The following KCNMA1 variants were observed in gnomAD, a reference collection of about 807,000 sequenced individuals.
KCNMA1 encodes Calcium-activated potassium channel subunit alpha-1.
Under a neutral mutation model 140.0 loss-of-function variants are expected in KCNMA1, and 29 were observed. The observed-to-expected ratio is 0.21, with a 90% CI of 0.15 to 0.28. The LOEUF (loss-of-function observed/expected upper bound fraction) is 0.28, where lower values mean the gene tolerates loss of function less well. KCNMA1 is among the 10% of genes least tolerant of loss of function. The probability of loss-of-function intolerance (pLI) is 1.00; values close to 1 mark genes in which losing one functional copy is unlikely to be tolerated. For synonymous variants in KCNMA1, 612 were observed against 611.9 expected, an observed-to-expected ratio of 1.00 and a Z score of 0.00; for missense variants, 880 against 1,602.2, an observed-to-expected ratio of 0.55 and a Z score of 7.70.
intron 14 of KCNMA1, among the ~76,000 whole-genome samples, chr10:77,053,942 C>T (rs1050943505): frequency 2.0e-5 from 3 of 152,108 alleles, no homozygotes; most frequent in African/African-American, 2.4e-5. Context: ...CAGCAAATCG[C>T]GTCCTAATCA....
At chr10:77,156,781 A>G (rs1458092250) in intron 5 of KCNMA1, among the ~76,000 whole-genome samples, 1 of 152,148 alleles carries the variant, frequency 6.6e-6, no homozygotes, top group Non-Finnish European at 1.5e-5. Context: ...ATTTCTGGCG[A>G]GTGACTGACC....
chr10:77,542,234 A>G (rs2060346392), intron 1 of KCNMA1, among the ~76,000 whole-genome samples: 1 of 152,226 alleles, frequency 6.6e-6, no homozygotes, highest in African/African-American at 2.4e-5. Flanking sequence ...TACTGTTTGC[A>G]AATCACCCAG....
chr10:77,272,967 T>C (rs1421361009), intron 2 of KCNMA1, among the ~76,000 whole-genome samples: 1 of 152,196 alleles, frequency 6.6e-6, no homozygotes, highest in African/African-American at 2.4e-5. Context: ...TACCAAAACA[T>C]GGACCTATTA....
chr10:77,341,922 CT>C lies in KCNMA1; in HGVS notation c.540+61939del, dbSNP rs1249429195. Among the ~76,000 whole-genome samples the C allele has an allele frequency of 2.0e-5, 3 of 152,172 alleles. No individual in the cohort carries two copies. The East Asian group carries it at 5.8e-4, about 29-fold the overall frequency. On this transcript the variant is annotated intron_variant, in intron 2 of 27. Coordinates refer to ENST00000286628, the MANE Select transcript of KCNMA1 (RefSeq NM_001161352.2). ...TACTGTCCCAAATGGAAAGCAAGAC[CT>C]AAGTGCATAATCCTAACCCACCATG...
chr10:77,582,688 A>G (rs2076197056), intron 1 of KCNMA1, among the ~76,000 whole-genome samples: 1 of 152,234 alleles, frequency 6.6e-6, no homozygotes, highest in African/African-American at 2.4e-5. Flanking sequence ...TTCTTGACCA[A>G]CTGCAAGGAA....
At chr10:77,529,368 G>A (rs1402692946) in intron 1 of KCNMA1, among the ~76,000 whole-genome samples, 1 of 151,756 alleles carries the variant, frequency 6.6e-6, no homozygotes, top group Non-Finnish European at 1.5e-5. Flanking sequence ...GCTCCTCTCA[G>A]CCCTTCAAAC....
intron 19 of KCNMA1, among the ~76,000 whole-genome samples, chr10:76,992,365 C>G (rs961512797): frequency 2.0e-5 from 3 of 152,202 alleles, no homozygotes; most frequent in African/African-American, 4.8e-5. Flanking sequence ...AAGGCCTTTG[C>G]AATTCCCTCT....
At chr10:76,950,098 C>T (rs535416268) in intron 21 of KCNMA1, among the ~76,000 whole-genome samples, 14 of 152,292 alleles carry the variant, frequency 9.2e-5, no homozygotes, top group Admixed American at 2.0e-4. Flanking sequence ...CATGCTCATA[C>T]GTTTAGGTAT....
chr10:77,290,358 C>T (rs2072750143), intron 2 of KCNMA1, among the ~76,000 whole-genome samples: 1 of 152,140 alleles, frequency 6.6e-6, no homozygotes, highest in Non-Finnish European at 1.5e-5. Context: ...ATAAAAAGGG[C>T]ATGGAGGATG....
chr10:76,981,741 T>TA (rs2079529851), intron 19 of KCNMA1, among the ~76,000 whole-genome samples: 3 of 152,152 alleles, frequency 2.0e-5, no homozygotes, highest in South Asian at 2.1e-4. Flanking sequence ...CTCCTTTCTT[T>TA]AAAAAATCCC....
chr10:77,529,048 A>G (rs11002194), intron 1 of KCNMA1, among the ~76,000 whole-genome samples: 25,866 of 152,086 alleles, frequency 0.17, 2,972 homozygotes, highest in East Asian at 0.54. Flanking sequence ...TATACTTAAA[A>G]TCTCACAATG....
chr10:77,075,083 G>A (rs780463937), intron 13 of KCNMA1, among the ~76,000 whole-genome samples: 5 of 152,294 alleles, frequency 3.3e-5, no homozygotes, highest in Non-Finnish European at 5.9e-5. Flanking sequence ...AGCCAAAAGT[G>A]GGTACTCCAG....
chr10:77,324,971 C>CTGTG (rs144907110), intron 2 of KCNMA1, among the ~76,000 whole-genome samples: 202 of 90,432 alleles, frequency 2.2e-3, no homozygotes, highest in Non-Finnish European at 3.1e-3. Flanking sequence ...CTCTCTCTCT[C>CTGTG]TGTGTGTGTG....
At chr10:77,416,608 G>A (rs1330528946) in intron 1 of KCNMA1, among the ~76,000 whole-genome samples, 1 of 152,168 alleles carries the variant, frequency 6.6e-6, no homozygotes, top group African/African-American at 2.4e-5. Flanking sequence ...TAACCCGAGA[G>A]CAATGTAAGT....
At chr10:77,528,801 G>A (rs1194008691) in intron 1 of KCNMA1, among the ~76,000 whole-genome samples, 3 of 152,114 alleles carry the variant, frequency 2.0e-5, no homozygotes, top group Non-Finnish European at 4.4e-5. Context: ...CAACACAGGT[G>A]AACCTCAAGA....
At chr10:77,007,653 G>GTGTGTGTGTGTATATATATATATA in intron 18 of KCNMA1, among the ~76,000 whole-genome samples, 14 of 88,482 alleles carry the variant, frequency 1.6e-4, no homozygotes, top group African/African-American at 5.4e-4. Context: ...TTGTGTGTGT[G>GTGTGTGTGTGTATATATATATATA]TATATATATA....
intron 1 of KCNMA1, among the ~76,000 whole-genome samples, chr10:77,548,735 C>T (rs1197753119): frequency 1.3e-5 from 2 of 152,188 alleles, no homozygotes; most frequent in Non-Finnish European, 2.9e-5. Flanking sequence ...CATATCATGT[C>T]TCTGGGACTC....
At chr10:77,271,737 T>G (rs1469871351) in intron 2 of KCNMA1, among the ~76,000 whole-genome samples, 1 of 151,938 alleles carries the variant, frequency 6.6e-6, no homozygotes, top group African/African-American at 2.4e-5. Context: ...GCAAAAAAAA[T>G]CTCTCATTGT....
intron 1 of KCNMA1, among the ~76,000 whole-genome samples, chr10:77,546,512 G>A (rs1360969130): frequency 6.6e-6 from 1 of 152,216 alleles, no homozygotes; most frequent in African/African-American, 2.4e-5. Context: ...AGCAAAGCAG[G>A]CAGCCTGAGC....
Sources: gnomAD v4.1 joint callset for allele counts (sites outside exome capture counted in the v4.1 genomes callset) on GRCh38, gnomAD v4.1.1 for gene constraint, MANE v1.5 for transcripts, NCBI Gene and HGNC (gene_info 2026-07-23, HGNC 2026-07-21) for gene names.